The following ZBTB20 variants were observed in gnomAD, a reference collection of about 807,000 sequenced individuals.
ZBTB20 encodes zinc finger and BTB domain-containing protein 20.
A neutral mutation model predicts 56.9 loss-of-function variants in ZBTB20; 9 were observed. The ratio of observed to expected loss-of-function variants is 0.16; its 90% CI spans 0.10 to 0.28. ZBTB20 has a LOEUF of 0.28. Ranked by LOEUF, ZBTB20 falls within the 10% of genes least tolerant of loss-of-function variation. The pLI, the probability that ZBTB20 is intolerant of heterozygous loss-of-function variation, is 1.00. For synonymous variants in ZBTB20, 417 were observed against 420.7 expected, an observed-to-expected ratio of 0.99 and a Z score of 0.11; for missense variants, 655 against 1,003.0, an observed-to-expected ratio of 0.65 and a Z score of 4.69.
At chr3:115,056,913 T>G (rs2081814362) in intron 2 of ZBTB20, among the ~76,000 whole-genome samples, 1 of 152,096 alleles carries the variant, frequency 6.6e-6, no homozygotes, top group African/African-American at 2.4e-5. Context: ...TGTAGCTACT[T>G]AACAATAACA....
At chr3:114,352,146 GGTAGAGTGGC>G (rs1374955950) in intron 10 of ZBTB20, among the ~76,000 whole-genome samples, 2 of 152,194 alleles carry the variant, frequency 1.3e-5, no homozygotes, top group African/African-American at 4.8e-5. Context: ...CTTCGGCTGA[GGTAGAGTGGC>G]CTAATAACCA....
intron 6 of ZBTB20, among the ~76,000 whole-genome samples, chr3:114,587,758 C>T (rs765669050): frequency 6.6e-6 from 1 of 152,162 alleles, no homozygotes; most frequent in South Asian, 2.1e-4. Flanking sequence ...CCTCCAGAAG[C>T]CTTTTCTCTC....
At chr3:115,015,891 CCA>C (rs1475229282) in intron 2 of ZBTB20, among the ~76,000 whole-genome samples, 4 of 151,852 alleles carry the variant, frequency 2.6e-5, no homozygotes, top group Admixed American at 2.6e-4. Flanking sequence ...TGAAGAATCT[CCA>C]CACTGTCTTC....
At chr3:114,653,948 G>T (rs73857637) in intron 6 of ZBTB20, among the ~76,000 whole-genome samples, 11,796 of 147,010 alleles carry the variant, frequency 0.08, 1,122 homozygotes, top group African/African-American at 0.22. Flanking sequence ...ATATTGTTAT[G>T]ATATGTAATG....
chr3:115,124,651 C>G (rs1314437240), intron 1 of ZBTB20, among the ~76,000 whole-genome samples: 1 of 152,052 alleles, frequency 6.6e-6, no homozygotes, highest in Non-Finnish European at 1.5e-5. Flanking sequence ...TCCAATCAAC[C>G]AAGAAACAGA....
intron 6 of ZBTB20, among the ~76,000 whole-genome samples, chr3:114,672,290 C>T (rs944809352): frequency 1.3e-5 from 2 of 152,096 alleles, no homozygotes; most frequent in African/African-American, 4.8e-5. Context: ...CTCACGTAAA[C>T]AGGAAGCTTA....
intron 11 of ZBTB20, among the ~76,000 whole-genome samples, chr3:114,345,361 T>C (rs1368344710): frequency 6.6e-6 from 1 of 152,166 alleles, no homozygotes; most frequent in Non-Finnish European, 1.5e-5. Context: ...ATATGAATAA[T>C]ACAAGTCAGT....
At chr3:114,677,325 CCCAGGCTTCAGACACTGGTA>C (rs1353648076) in intron 6 of ZBTB20, among the ~76,000 whole-genome samples, 1 of 152,092 alleles carries the variant, frequency 6.6e-6, no homozygotes, top group African/African-American at 2.4e-5. Context: ...GCCGCCAGTC[CCCAGGCTTCAGACACTGGTA>C]CCTGTTAGGA....
chr3:114,546,262 A>G (rs2049866747), intron 6 of ZBTB20, among the ~76,000 whole-genome samples: 1 of 152,198 alleles, frequency 6.6e-6, no homozygotes, highest in African/African-American at 2.4e-5. Flanking sequence ...GGGCATGCTT[A>G]TCAAATGTGC....
chr3:114,840,736 A>G (rs2074348815), intron 4 of ZBTB20, among the ~76,000 whole-genome samples: 1 of 152,184 alleles, frequency 6.6e-6, no homozygotes, highest in African/African-American at 2.4e-5. Context: ...TGACATTAAA[A>G]CAGACAAAAA....
intron 6 of ZBTB20, among the ~76,000 whole-genome samples, chr3:114,588,409 T>C (rs1294150683): frequency 6.6e-6 from 1 of 152,220 alleles, no homozygotes; most frequent in Non-Finnish European, 1.5e-5. Context: ...CTGAACATTA[T>C]GTGTGGAATG....
intron 10 of ZBTB20, among the ~76,000 whole-genome samples, chr3:114,373,060 G>A (rs149492139): frequency 0.011 from 1,602 of 152,050 alleles, 28 homozygotes; most frequent in African/African-American, 0.036. Context: ...GGGACTAGAG[G>A]CACGTGCCAC....
intron 7 of ZBTB20, among the ~76,000 whole-genome samples, chr3:114,413,024 G>C (rs186641434): frequency 6.6e-6 from 1 of 152,092 alleles, no homozygotes; most frequent in African/African-American, 2.4e-5. Context: ...GATAGAGGAA[G>C]GGGAGAGTTA....
At chr3:114,471,716 AAAGGAGATAT>A (rs1412515964) in intron 7 of ZBTB20, among the ~76,000 whole-genome samples, 1 of 152,234 alleles carries the variant, frequency 6.6e-6, no homozygotes, top group Non-Finnish European at 1.5e-5. Context: ...GTCAGAGGGC[AAAGGAGATAT>A]AACTGAGGAC....
chr3:114,398,734 A>G (rs1359325807), intron 7 of ZBTB20, among the ~76,000 whole-genome samples: 2 of 152,144 alleles, frequency 1.3e-5, no homozygotes, highest in African/African-American at 4.8e-5. Flanking sequence ...AAGAAAAAGG[A>G]TATTTTCCTA....
chr3:115,092,362 T>C (rs1047843505), intron 1 of ZBTB20, among the ~76,000 whole-genome samples: 6 of 152,104 alleles, frequency 3.9e-5, no homozygotes, highest in Non-Finnish European at 1.5e-5. Context: ...CCTTTCTAAA[T>C]GGACAAATTT....
chr3:115,041,916 G>T (rs1171672398), intron 2 of ZBTB20, among the ~76,000 whole-genome samples: 1 of 152,174 alleles, frequency 6.6e-6, no homozygotes, highest in East Asian at 1.9e-4. Flanking sequence ...TAATGAGCCT[G>T]CCTGAATTAT....
chr3:114,639,794 A>G (rs1003343423), intron 6 of ZBTB20, among the ~76,000 whole-genome samples: 1 of 151,986 alleles, frequency 6.6e-6, no homozygotes, highest in African/African-American at 2.4e-5. Flanking sequence ...TACACATGTA[A>G]CACTTTTGGG....
chr3:115,050,849 T>C (rs1399134886), intron 2 of ZBTB20, among the ~76,000 whole-genome samples: 1 of 152,020 alleles, frequency 6.6e-6, no homozygotes. Flanking sequence ...AATAAAAGGA[T>C]GGTAATAAGA....
Sources: gnomAD v4.1 joint callset for allele counts (sites outside exome capture counted in the v4.1 genomes callset) on GRCh38, gnomAD v4.1.1 for gene constraint, MANE v1.5 for transcripts, NCBI Gene and HGNC (gene_info 2026-07-23, HGNC 2026-07-21) for gene names.